MGAT5: variants seen among roughly 807,000 people sequenced by gnomAD.
MGAT5 encodes the protein alpha-1,6-mannosylglycoprotein 6-beta-N-acetylglucosaminyltransferase, also known as alpha-1,6-mannosylglycoprotein 6-beta-N-acetylglucosaminyltransferase A.
A neutral mutation model predicts 94.3 loss-of-function variants in MGAT5; 30 were observed. That is an observed-to-expected ratio of 0.32 (90% CI 0.24 to 0.43). The LOEUF (loss-of-function observed/expected upper bound fraction) is 0.43. MGAT5 is among the 20% of genes least tolerant of loss of function. MGAT5 has a pLI of 1.00. For missense variants in MGAT5, 691 were observed against 905.5 expected (o/e 0.76, Z 3.04); for synonymous variants, 310 against 322.9 (o/e 0.96, Z 0.43).
chr2:134,262,347 C>T (rs1444636303), intron 1 of MGAT5, among the ~76,000 whole-genome samples: 1 of 152,246 alleles, frequency 6.6e-6, no homozygotes, highest in Non-Finnish European at 1.5e-5. Flanking sequence ...AAGCCTTATG[C>T]CCACCTCAGC....
intron 10 of MGAT5, among the ~76,000 whole-genome samples, chr2:134,386,420 T>TA (rs909801674): frequency 2.0e-5 from 3 of 152,160 alleles, no homozygotes; most frequent in Non-Finnish European, 4.4e-5. Context: ...AACCGTAAAA[T>TA]AAAAAAATCT....
intron 1 of MGAT5, among the ~76,000 whole-genome samples, chr2:134,146,387 G>A (rs988141490): frequency 4.8e-5 from 7 of 146,968 alleles, no homozygotes; most frequent in Non-Finnish European, 7.6e-5. Flanking sequence ...GTGAGACCTC[G>A]TCTCTACAAA....
intron 12 of MGAT5, among the ~76,000 whole-genome samples, chr2:134,422,042 G>A (rs577596119): frequency 6.6e-6 from 1 of 152,106 alleles, no homozygotes; most frequent in Admixed American, 6.5e-5. Flanking sequence ...AGCCAGGCAT[G>A]ATGTGCACAT....
At chr2:134,349,475 AG>A (rs1451757402) in intron 8 of MGAT5, among the ~76,000 whole-genome samples, 3 of 152,188 alleles carry the variant, frequency 2.0e-5, no homozygotes, top group African/African-American at 7.2e-5. Flanking sequence ...AGCTCTGGCT[AG>A]GTGCTGGGGG....
intron 1 of MGAT5, among the ~76,000 whole-genome samples, chr2:134,225,469 T>C (rs1385159815): frequency 6.6e-6 from 1 of 152,164 alleles, no homozygotes; most frequent in Non-Finnish European, 1.5e-5. Flanking sequence ...GGGCATGGTC[T>C]TGCCGTGTTT....
chr2:134,126,853 A>G lies in MGAT5; in HGVS notation c.-143+6562A>G, dbSNP rs1183294374. On this transcript the variant is annotated intron_variant, in intron 1 of 16. Coordinates refer to the MGAT5 transcript ENST00000409645. ...GTGTGTAACTACTACCTTTCAACAT[A>G]AGGAAGTTTGGTATCAGTCTTCTTG... 2.6e-5 allele frequency among the ~76,000 whole-genome samples: 4 copies of G among 151,388 alleles called. No individual in the cohort carries two copies. In the East Asian group the frequency reaches 7.7e-4, roughly 29 times the overall value.
At chr2:134,398,741 A>T (rs962989229) in intron 10 of MGAT5, among the ~76,000 whole-genome samples, 2 of 102,128 alleles carry the variant, frequency 2.0e-5, no homozygotes, top group African/African-American at 5.9e-5. Context: ...CGATTCGGCC[A>T]TTTAAAAAAA....
At chr2:134,204,552 T>C (rs1258195168) in intron 1 of MGAT5, among the ~76,000 whole-genome samples, 1 of 151,650 alleles carries the variant, frequency 6.6e-6, no homozygotes, top group Non-Finnish European at 1.5e-5. Flanking sequence ...GAGGGGAGAA[T>C]TGGGCACATA....
upstream of MGAT5, among the ~76,000 whole-genome samples, chr2:134,249,933 A>C (rs1331839399): frequency 6.6e-6 from 1 of 152,202 alleles, no homozygotes; most frequent in Non-Finnish European, 1.5e-5. Context: ...ACTTGTTCTT[A>C]TCTGTATGTC....
chr2:134,286,568 A>T (rs1399801184), intron 2 of MGAT5, among the ~76,000 whole-genome samples: 1 of 151,942 alleles, frequency 6.6e-6, no homozygotes, highest in Non-Finnish European at 1.5e-5. Flanking sequence ...AGTAGCTGAG[A>T]TTACAGGCAC....
chr2:134,377,980 C>G (rs1042009087), intron 10 of MGAT5, among the ~76,000 whole-genome samples: 1 of 152,152 alleles, frequency 6.6e-6, no homozygotes, highest in African/African-American at 2.4e-5. Context: ...TTCTGCCAGC[C>G]CTGCTTAGAA....
intron 8 of MGAT5, 121 bp downstream of exon 8, chr2:134,345,185 A>C: frequency 9.9e-7 from 1 of 1,012,834 alleles, no homozygotes; most frequent in Non-Finnish European, 1.4e-6. Flanking sequence ...AGTGTTGCTC[A>C]TTCGTAATTG....
At chr2:134,240,120 A>G (rs1281597711) in intron 1 of MGAT5, among the ~76,000 whole-genome samples, 1 of 152,200 alleles carries the variant, frequency 6.6e-6, no homozygotes, top group Non-Finnish European at 1.5e-5. Flanking sequence ...AACCTTTGAC[A>G]TGTTTACAGT....
intron 1 of MGAT5, among the ~76,000 whole-genome samples, chr2:134,142,853 C>T (rs1032788362): frequency 5.3e-5 from 8 of 152,130 alleles, no homozygotes; most frequent in Non-Finnish European, 7.4e-5. Flanking sequence ...CTCCTGGCCT[C>T]AATTGATCCT....
intron 14 of MGAT5, among the ~76,000 whole-genome samples, chr2:134,432,883 G>A (rs1019227173): frequency 6.6e-6 from 1 of 152,202 alleles, no homozygotes. Flanking sequence ...ACGAGTTGCC[G>A]CAGGAGCCCA....
intron 14 of MGAT5, among the ~76,000 whole-genome samples, chr2:134,430,699 C>G (rs1305911743): frequency 1.3e-5 from 2 of 149,506 alleles, no homozygotes; most frequent in Non-Finnish European, 3.0e-5. Flanking sequence ...CTGCAGAGAT[C>G]TGCAGTTCAC....
intron 1 of MGAT5, among the ~76,000 whole-genome samples, chr2:134,123,309 G>T (rs927539301): frequency 6.6e-6 from 1 of 152,164 alleles, no homozygotes; most frequent in Non-Finnish European, 1.5e-5. Flanking sequence ...AATGTTCCAT[G>T]TGTCTCAGGA....
Position 134,308,818 on chromosome 2 carries a change from T to C in MGAT5, c.407-8711T>C, listed in dbSNP as rs576422452. 5.9e-5 allele frequency among the ~76,000 whole-genome samples: 9 copies of C among 152,294 alleles called. No homozygotes were observed. The South Asian group carries it at 8.3e-4, about 14-fold the overall frequency. On this transcript the variant is annotated intron_variant, in intron 2 of 15. Transcript: ENST00000281923. The stretch of plus-strand genomic sequence containing the variant: ...GGAAGGCTGAGATGGGAGGATGGCT[T>C]GAGCTCAAGAGTTTGAGACCAGCCT...
intron 4 of MGAT5, among the ~76,000 whole-genome samples, chr2:134,326,685 T>C (rs1295969888): frequency 6.6e-6 from 1 of 152,080 alleles, no homozygotes; most frequent in Non-Finnish European, 1.5e-5. Flanking sequence ...TAAGGAGAGA[T>C]AGCTAGCAAC....
Sources: allele counts gnomAD v4.1 joint callset (sites outside exome capture counted in the v4.1 genomes callset), GRCh38; gene constraint gnomAD v4.1.1; transcripts MANE v1.5; gene names NCBI Gene and HGNC (gene_info 2026-07-23, HGNC 2026-07-21).